RAC2: variants seen among roughly 807,000 people sequenced by gnomAD.
RAC2 encodes the protein Rac family small GTPase 2.
A neutral mutation model predicts 24.0 loss-of-function variants in RAC2; 1 was observed. The observed-to-expected ratio is 0.04, with a 90% confidence interval of 0.01 to 0.20. RAC2 has a LOEUF of 0.20. Ranked by LOEUF, RAC2 falls within the 10% of genes least tolerant of loss-of-function variation. The pLI is 1.00. For synonymous variants in RAC2, 114 were observed against 106.8 expected, an observed-to-expected ratio of 1.07 and a Z score of -0.41; for missense variants, 130 against 259.1, an observed-to-expected ratio of 0.50 and a Z score of 3.42.
chr22:37,233,927 C>T (rs945763988), intron 2 of RAC2, among the ~76,000 whole-genome samples: 1 of 152,160 alleles, frequency 6.6e-6, no homozygotes, highest in Non-Finnish European at 1.5e-5. Flanking sequence ...TTCAGCCCAC[C>T]CCAGAGTGTG....
At chr22:37,233,143 T>G (rs536502874) in intron 2 of RAC2, among the ~76,000 whole-genome samples, 2 of 152,342 alleles carry the variant, frequency 1.3e-5, no homozygotes, top group African/African-American at 4.8e-5. Context: ...AAAAAGATTG[T>G]CTCTTAATCC....
intron 5 of RAC2, among the ~76,000 whole-genome samples, chr22:37,230,527 G>A (rs1021781107): frequency 2.6e-5 from 4 of 152,060 alleles, no homozygotes; most frequent in African/African-American, 9.7e-5. Flanking sequence ...CCTGATGCAG[G>A]CAGCCCTGAG....
At chr22:37,237,844 T>C (rs945590869) in intron 2 of RAC2, among the ~76,000 whole-genome samples, 2 of 150,060 alleles carry the variant, frequency 1.3e-5, no homozygotes, top group African/African-American at 4.9e-5. Context: ...AGAGGAGGAG[T>C]GGCAGCAAAG....
intron 2 of RAC2, among the ~76,000 whole-genome samples, chr22:37,237,843 GT>G (rs1927280454): frequency 6.6e-6 from 1 of 151,972 alleles, no homozygotes; most frequent in South Asian, 2.1e-4. Context: ...AAGAGGAGGA[GT>G]GGCAGCAAAG....
intron 1 of RAC2, among the ~76,000 whole-genome samples, chr22:37,243,746 A>C (rs993353796): frequency 1.3e-5 from 2 of 152,204 alleles, no homozygotes; most frequent in Admixed American, 6.5e-5. Flanking sequence ...GCCTGGGGAC[A>C]AAGGCTGAAT....
chr22:37,231,129 C>A lies in RAC2; in HGVS notation c.448+102G>T. 7.0e-7 allele frequency: 1 copy of A among 1,431,078 alleles called. No homozygotes were observed. The highest frequency in any genetic ancestry group is 9.8e-7 in the Non-Finnish European group (1 of 1,023,512). 88.6% of individuals were successfully genotyped at this position (1,431,078 alleles called of 1,614,324 possible). On this transcript the variant is annotated intron_variant, in intron 5 of 6. Coordinates refer to ENST00000249071, the MANE Select transcript of RAC2 (RefSeq NM_002872.5). The surrounding 1 kb of genome is among the most constrained non-coding windows in gnomAD (Gnocchi z 5.5). ...AGTGCACAGCACAGCTGAGTTCAAA[C>A]TGCACAGCCTGGCCCTGCAGCCCGT... is the stretch of plus-strand genomic sequence containing the variant.
intron 2 of RAC2, among the ~76,000 whole-genome samples, chr22:37,236,405 A>AC (rs1442240954): frequency 1.3e-5 from 2 of 152,170 alleles, no homozygotes; most frequent in Non-Finnish European, 2.9e-5. Context: ...ACCATGGGCA[A>AC]CCCTCACCCC....
At chr22:37,229,304 G>A (rs568606986) in intron 5 of RAC2, among the ~76,000 whole-genome samples, 145 of 152,298 alleles carry the variant, frequency 9.5e-4, no homozygotes, top group African/African-American at 3.2e-3. Context: ...GTGAGGGGGC[G>A]GTGGGGGCAG....
In RAC2 at chr22:37,225,369, T is replaced by C. The variant is rs1422722493; in HGVS notation, c.*673A>G. 1 of 152,232 alleles carries C rather than the reference T, an allele frequency of 6.6e-6. No homozygotes were observed. The highest frequency in any genetic ancestry group is 1.5e-5 in the Non-Finnish European group (1 of 68,054). 9.4% of individuals were successfully genotyped at this position (152,232 alleles called of 1,614,324 possible). A position where few individuals can be genotyped will look rare whatever the true frequency, so the allele number is the denominator to read the frequency against. ...TGGCAAGGTTTAAAAGTTTGAAGACTCTCACAGGTAAGTGCAGCTCAGGAT... is the reference window on the plus strand; with the variant it reads ...TGGCAAGGTTTAAAAGTTTGAAGACCCTCACAGGTAAGTGCAGCTCAGGAT... On this transcript the variant is annotated 3_prime_UTR_variant, in exon 7 of 7. Transcript: ENST00000249071.
Position 37,244,139 on chromosome 22 carries a change from T to TG in RAC2, c.9dup (p.Ile4HisfsTer35). ...CCATCTCCCACCACCACACACTTGATGGCCTGCATCGTGTCCGGAGCCTGG... is the reference window on the plus strand; with the variant it reads ...CCATCTCCCACCACCACACACTTGATGGGCCTGCATCGTGTCCGGAGCCTGG... On this transcript the variant is annotated frameshift_variant, in exon 1 of 7. Transcript: ENST00000249071. LOFTEE classifies it high-confidence loss of function. 6.2e-7 allele frequency: 1 copy of TG among 1,614,170 alleles called. No individual in the cohort carries two copies. Among genetic ancestry groups the TG allele is most frequent in the Non-Finnish European group, 8.5e-7 (1 of 1,180,004 alleles).
chr22:37,239,500 C>T (rs1401738852), intron 2 of RAC2, among the ~76,000 whole-genome samples: 2 of 152,138 alleles, frequency 1.3e-5, no homozygotes, highest in Non-Finnish European at 2.9e-5. Context: ...ACAACAAAGT[C>T]CACTAGGGGC....
intron 1 of RAC2, 130 bp downstream of exon 1, chr22:37,243,984 C>G: frequency 2.4e-6 from 3 of 1,259,852 alleles, no homozygotes; most frequent in East Asian, 4.9e-5. Flanking sequence ...GAGAAGGAAG[C>G]GTCCCCTCCA....
At chr22:37,241,201 T>G (rs1927380170) in intron 2 of RAC2, 1 of 775,354 alleles carries the variant, frequency 1.3e-6, no homozygotes, top group Non-Finnish European at 2.4e-6. Flanking sequence ...TCAGCATGCC[T>G]TGTCCCCAGG....
chr22:37,228,224 G>T (rs1926944186), intron 5 of RAC2, among the ~76,000 whole-genome samples: 1 of 152,188 alleles, frequency 6.6e-6, no homozygotes, highest in African/African-American at 2.4e-5. Flanking sequence ...GCCCAGCTGG[G>T]GGCCTTCTGG....
At chr22:37,235,307 G>GTTTGCAGGC (rs1380744487) in intron 2 of RAC2, among the ~76,000 whole-genome samples, 1 of 152,016 alleles carries the variant, frequency 6.6e-6, no homozygotes, top group African/African-American at 2.4e-5. Flanking sequence ...CCCTGTTCCC[G>GTTTGCAGGC]CCTGTCTGGA....
chr22:37,241,260 C>G (rs1288142594), intron 2 of RAC2: 1 of 710,726 alleles, frequency 1.4e-6, no homozygotes, highest in Non-Finnish European at 2.6e-6. Context: ...CCTCCAGCAG[C>G]CTGCTTCCGC....
intron 2 of RAC2, chr22:37,241,030 C>T (rs746023079): frequency 5.6e-6 from 4 of 717,714 alleles, no homozygotes; most frequent in Admixed American, 2.0e-5. Flanking sequence ...TGATGGGGAC[C>T]CCTGAGGGCT....
rs962730328 is a variant in RAC2, at chr22:37,225,835, G to A, written c.*207C>T. 2 of 152,226 alleles carry A rather than the reference G, an allele frequency of 1.3e-5. No individual in the cohort carries two copies. Among genetic ancestry groups the A allele is most frequent in the Non-Finnish European group, 2.9e-5 (2 of 68,096 alleles). 9.4% of individuals were successfully genotyped at this position (152,226 alleles called of 1,614,324 possible). ...GCCCTCAGGAAGGCAGGAGCATGAG[G>A]GGCTTGGGATGCAGCACCTGCAAAT... is the stretch of plus-strand genomic sequence containing the variant. On this transcript the variant is annotated 3_prime_UTR_variant, in exon 7 of 7. Transcript: ENST00000249071.
intron 2 of RAC2, among the ~76,000 whole-genome samples, chr22:37,233,926 C>T (rs1277129097): frequency 6.6e-6 from 1 of 152,152 alleles, no homozygotes; most frequent in African/African-American, 2.4e-5. Context: ...TTTCAGCCCA[C>T]CCCAGAGTGT....
Sources: allele counts gnomAD v4.1 joint callset (sites outside exome capture counted in the v4.1 genomes callset), GRCh38; gene constraint gnomAD v4.1.1; non-coding constraint Gnocchi (gnomAD v3.1); transcripts MANE v1.5; gene names NCBI Gene and HGNC (gene_info 2026-07-23, HGNC 2026-07-21).